Variants in CREB5 observed in about 807,000 individuals in gnomAD.
The protein encoded by CREB5 is cyclic AMP-responsive element-binding protein 5.
Under a neutral mutation model 57.1 loss-of-function variants are expected in CREB5, and 19 were observed. The observed-to-expected ratio is 0.33, with a 90% CI of 0.23 to 0.49. The LOEUF is 0.49. CREB5 is among the 20% of genes least tolerant of loss of function. CREB5 has a pLI of 0.99. For missense variants in CREB5, 579 were observed against 671.6 expected, an observed-to-expected ratio of 0.86 and a Z score of 1.52; for synonymous variants, 238 against 238.3, an observed-to-expected ratio of 1.00 and a Z score of 0.01.
chr7:28,537,301 TC>T (rs755256279), intron 4 of CREB5, among the ~76,000 whole-genome samples: 1 of 152,160 alleles, frequency 6.6e-6, no homozygotes. Flanking sequence ...ACCCATTTTT[TC>T]CCCAATAAAT....
At chr7:28,650,418 CA>C (rs1486831857) in intron 5 of CREB5, among the ~76,000 whole-genome samples, 1 of 152,078 alleles carries the variant, frequency 6.6e-6, no homozygotes, top group Non-Finnish European at 1.5e-5. Flanking sequence ...TTGCCTTGGT[CA>C]AATCAATTGT....
chr7:28,507,650 C>T lies in CREB5; in HGVS notation c.204C>T (p.Asn68=), dbSNP rs544934809. ...CGACCCCAACGAGATTCCTGAAGAACTGCGAGGAGGTGGGCCTCTTCAGCG... is the reference window on the plus strand; with the variant it reads ...CGACCCCAACGAGATTCCTGAAGAATTGCGAGGAGGTGGGCCTCTTCAGCG... ...QTPTPTRFLK[N]CEEVGLFSEL... Residue 68 remains asparagine (N), a synonymous_variant, in exon 4 of 11, where the codon AAC becomes AAT. Coordinates refer to ENST00000357727, the MANE Select transcript of CREB5 (RefSeq NM_182898.4). 8 of 1,610,894 alleles carry T rather than the reference C, an allele frequency of 5.0e-6. 1 individual carries two copies. In the South Asian group the frequency reaches 7.7e-5, roughly 16 times the overall value.
chr7:28,663,490 G>C (rs1193046967), intron 5 of CREB5, among the ~76,000 whole-genome samples: 1 of 152,124 alleles, frequency 6.6e-6, no homozygotes, highest in Non-Finnish European at 1.5e-5. Context: ...ATGGGTGTGA[G>C]CCACCGCACT....
At chr7:28,564,604 G>C (rs1795409800) in intron 4 of CREB5, among the ~76,000 whole-genome samples, 1 of 152,150 alleles carries the variant, frequency 6.6e-6, no homozygotes, top group South Asian at 2.1e-4. Flanking sequence ...AATAATGAAT[G>C]GAGAGCAAAG....
chr7:28,649,133 C>T (rs551826328), intron 5 of CREB5, among the ~76,000 whole-genome samples: 5 of 152,166 alleles, frequency 3.3e-5, no homozygotes, highest in Non-Finnish European at 7.3e-5. Flanking sequence ...GAACTATATA[C>T]GAAGCAGGCA....
intron 5 of CREB5, among the ~76,000 whole-genome samples, chr7:28,662,922 G>C (rs968021342): frequency 6.6e-5 from 10 of 151,922 alleles, no homozygotes; most frequent in African/African-American, 2.4e-4. Flanking sequence ...TTAGGTGGGT[G>C]GATCACGAGG....
At chr7:28,747,320 C>G (rs1378334627) in intron 7 of CREB5, among the ~76,000 whole-genome samples, 1 of 152,228 alleles carries the variant, frequency 6.6e-6, no homozygotes, top group Non-Finnish European at 1.5e-5. Flanking sequence ...AGCATCATCA[C>G]TTCTGTAATA....
chr7:28,601,961 A>G (rs1002117203), intron 5 of CREB5, among the ~76,000 whole-genome samples: 1 of 152,124 alleles, frequency 6.6e-6, no homozygotes, highest in Non-Finnish European at 1.5e-5. Flanking sequence ...ATTAAGACAT[A>G]TTCTTAGGAA....
At chr7:28,722,812 G>A (rs1409956103) in intron 6 of CREB5, among the ~76,000 whole-genome samples, 1 of 152,200 alleles carries the variant, frequency 6.6e-6, no homozygotes, top group Non-Finnish European at 1.5e-5. Flanking sequence ...TAAGACTGAT[G>A]GCTCTTAACT....
At chr7:28,321,966 A>C (rs1785502253) in intron 1 of CREB5, among the ~76,000 whole-genome samples, 1 of 152,222 alleles carries the variant, frequency 6.6e-6, no homozygotes, top group Admixed American at 6.5e-5. Context: ...CTTTGGCTTA[A>C]GATGTAGAAA....
chr7:28,806,600 A>G (rs1808744890), intron 8 of CREB5, among the ~76,000 whole-genome samples: 1 of 152,218 alleles, frequency 6.6e-6, no homozygotes, highest in South Asian at 2.1e-4. Flanking sequence ...CCAGGTATAC[A>G]AATTCTGGTT....
At chr7:28,778,959 C>G (rs1048095977) in intron 7 of CREB5, 2 of 152,020 alleles carry the variant, frequency 1.3e-5, no homozygotes, top group Admixed American at 1.3e-4. Flanking sequence ...TGTGAAATAC[C>G]CGCCATGCCA....
intron 1 of CREB5, among the ~76,000 whole-genome samples, chr7:28,454,060 T>C (rs934529904): frequency 6.6e-5 from 10 of 151,744 alleles, no homozygotes; most frequent in Admixed American, 1.3e-4. Flanking sequence ...TTCATGCCAT[T>C]CTCCTGCCTC....
At chr7:28,513,933 A>G (rs1191795039) in intron 4 of CREB5, 1 of 152,168 alleles carries the variant, frequency 6.6e-6, no homozygotes, top group Non-Finnish European at 1.5e-5. Context: ...TTTTTGGTGA[A>G]AAGACAGGGT....
At chr7:28,429,218 G>C (rs1788621757) in intron 1 of CREB5, among the ~76,000 whole-genome samples, 1 of 151,962 alleles carries the variant, frequency 6.6e-6, no homozygotes, top group South Asian at 2.1e-4. Context: ...TAGAGATGGG[G>C]TTTCACCATG....
intron 1 of CREB5, among the ~76,000 whole-genome samples, chr7:28,427,515 T>C (rs548417598): frequency 6.6e-6 from 1 of 152,240 alleles, no homozygotes; most frequent in South Asian, 2.1e-4. Flanking sequence ...AATCTTCCTT[T>C]AGGGTTGAGC....
chr7:28,719,372 C>G (rs1420599391), intron 6 of CREB5, among the ~76,000 whole-genome samples: 1 of 152,174 alleles, frequency 6.6e-6, no homozygotes, highest in Admixed American at 6.5e-5. Flanking sequence ...TTACTGTATG[C>G]TAGTCGCATT....
At position 28,635,071 on chromosome 7, in the gene CREB5, T is replaced by C. The variant is rs556282067; in HGVS notation, c.464+64534T>C. ...TGGGGCTGTTTATTCCAGGGACTTT[T>C]TTATGTGTTTCTTTTGATAGAATTA... is the stretch of plus-strand genomic sequence containing the variant. On this transcript the variant is annotated intron_variant, in intron 5 of 10. Transcript: ENST00000357727. 1.1e-4 allele frequency among the ~76,000 whole-genome samples: 16 copies of C among 152,294 alleles called. No individual in the cohort carries two copies. The South Asian group carries it at 3.3e-3, about 32-fold the overall frequency.
chr7:28,510,904 C>A (rs1337085345), intron 4 of CREB5, among the ~76,000 whole-genome samples: 2 of 152,090 alleles, frequency 1.3e-5, no homozygotes, highest in Non-Finnish European at 2.9e-5. Context: ...TGTCAACTTG[C>A]CAATGGCTTA....
Sources: allele counts gnomAD v4.1 joint callset (sites outside exome capture counted in the v4.1 genomes callset), GRCh38; gene constraint gnomAD v4.1.1; transcripts MANE v1.5; gene names NCBI Gene and HGNC (gene_info 2026-07-23, HGNC 2026-07-21).